NLN: variants seen among roughly 807,000 people sequenced by gnomAD.
NLN encodes the protein neurolysin, mitochondrial.
In NLN, 64 loss-of-function variants were observed where a neutral mutation model predicts 79.9. That is an observed-to-expected ratio of 0.80 (90% CI 0.65 to 0.99). NLN has a LOEUF of 0.99. NLN is among the 50% of genes least tolerant of loss of function. The pLI, the probability that NLN is intolerant of heterozygous loss-of-function variation, is 0.00. For synonymous variants in NLN, 267 were observed against 296.6 expected, an observed-to-expected ratio of 0.90 and a Z score of 1.02; for missense variants, 835 against 858.7, an observed-to-expected ratio of 0.97 and a Z score of 0.34.
chr5:65,787,995 C>T (rs1465535562), intron 7 of NLN, 123 bp from the exon 8 acceptor site: 18 of 924,812 alleles, frequency 1.9e-5, no homozygotes, highest in African/African-American at 8.3e-5. Flanking sequence ...TACCTCTTTC[C>T]GCCTTATTTA....
At chr5:65,727,798 G>A (rs1003342664) in intron 1 of NLN, among the ~76,000 whole-genome samples, 2 of 152,058 alleles carry the variant, frequency 1.3e-5, no homozygotes, top group African/African-American at 2.4e-5. Flanking sequence ...AGACAGTCTC[G>A]CTCTGTTGCC....
chr5:65,726,162 C>T (rs1758465539), intron 1 of NLN, among the ~76,000 whole-genome samples: 1 of 151,340 alleles, frequency 6.6e-6, no homozygotes, highest in Non-Finnish European at 1.5e-5. Context: ...TATTTCAGCT[C>T]ACAGTTCAAC....
At chr5:65,745,332 A>T (rs2150739761) in intron 1 of NLN, among the ~76,000 whole-genome samples, 1 of 152,316 alleles carries the variant, frequency 6.6e-6, no homozygotes, top group South Asian at 2.1e-4. Flanking sequence ...GAGAAATTTG[A>T]TGATTTCCTT....
chr5:65,724,628 A>G (rs190221180), intron 1 of NLN, among the ~76,000 whole-genome samples: 22 of 152,222 alleles, frequency 1.4e-4, no homozygotes, highest in Admixed American at 1.4e-3. Context: ...TTGCTGAGTC[A>G]TAGGATAGTA....
At chr5:65,815,711 A>G (rs1304939799) in intron 12 of NLN, among the ~76,000 whole-genome samples, 2 of 152,106 alleles carry the variant, frequency 1.3e-5, no homozygotes, top group Admixed American at 6.6e-5. Context: ...TGATTTTTAA[A>G]CAAACATTTT....
intron 7 of NLN, 79 bp from the exon 8 acceptor site, chr5:65,788,039 T>A: frequency 7.1e-7 from 1 of 1,404,860 alleles, no homozygotes; most frequent in Non-Finnish European, 9.8e-7. Context: ...GGAAGCACCA[T>A]GCTAAAACAC....
intron 1 of NLN, chr5:65,733,433 A>G: frequency 6.8e-7 from 1 of 1,472,230 alleles, no homozygotes; most frequent in Non-Finnish European, 9.4e-7. Flanking sequence ...TGTGTCACAC[A>G]GGCGGGCTGA....
At chr5:65,774,649 T>C (rs1322636755) in intron 3 of NLN, among the ~76,000 whole-genome samples, 6 of 151,894 alleles carry the variant, frequency 4.0e-5, no homozygotes, top group Non-Finnish European at 8.8e-5. Flanking sequence ...TAGTCAGATT[T>C]CTGTTGTGTC....
intron 6 of NLN, 91 bp downstream of exon 6, chr5:65,781,512 G>A (rs1254789363): frequency 1.6e-5 from 15 of 910,822 alleles, no homozygotes; most frequent in Non-Finnish European, 2.6e-5. Context: ...TCAGCTCAGA[G>A]ACTGATATTC....
At chr5:65,729,696 T>C (rs1421553197) in intron 1 of NLN, among the ~76,000 whole-genome samples, 1 of 152,238 alleles carries the variant, frequency 6.6e-6, no homozygotes, top group Non-Finnish European at 1.5e-5. Flanking sequence ...CTTTCTTTTT[T>C]GTTTGTCCTT....
At chr5:65,722,464 T>C (rs1407078199) in intron 1 of NLN, 50 bp downstream of exon 1, 1 of 1,518,096 alleles carries the variant, frequency 6.6e-7, no homozygotes, top group Admixed American at 1.9e-5. Context: ...GCGGGGTCTT[T>C]CGCCGTGTGG....
chr5:65,787,315 T>C (rs1349600437), intron 7 of NLN, among the ~76,000 whole-genome samples: 1 of 151,642 alleles, frequency 6.6e-6, no homozygotes, highest in Non-Finnish European at 1.5e-5. Context: ...CACGCACACA[T>C]GCACATGGAT....
chr5:65,807,484 A>T (rs1411698225), intron 9 of NLN, among the ~76,000 whole-genome samples: 1 of 150,912 alleles, frequency 6.6e-6, no homozygotes, highest in Admixed American at 6.6e-5. Flanking sequence ...TCTGTTGCCC[A>T]GGCTGGAATG....
chr5:65,785,743 G>T, intron 6 of NLN, 32 bp from the exon 7 acceptor site: 1 of 1,588,150 alleles, frequency 6.3e-7, no homozygotes, highest in South Asian at 1.1e-5. Flanking sequence ...TTATTGATTA[G>T]CCTTTATTTT....
intron 3 of NLN, among the ~76,000 whole-genome samples, chr5:65,776,178 G>C (rs191881147): frequency 6.6e-6 from 1 of 152,300 alleles, no homozygotes; most frequent in East Asian, 1.9e-4. Flanking sequence ...GCTTGAACCT[G>C]GGAGGCGGAG....
At chr5:65,724,833 T>C (rs1758426057) in intron 1 of NLN, among the ~76,000 whole-genome samples, 1 of 148,428 alleles carries the variant, frequency 6.7e-6, no homozygotes, top group Non-Finnish European at 1.5e-5. Flanking sequence ...ACAGAGTCTC[T>C]CTCTGTCGCC....
intron 3 of NLN, among the ~76,000 whole-genome samples, chr5:65,774,890 G>T (rs1579940695): frequency 6.6e-6 from 1 of 151,720 alleles, no homozygotes; most frequent in African/African-American, 2.4e-5. Context: ...ACACCCGGCT[G>T]ATTTTTGTAT....
At chr5:65,725,627 A>G (rs928927180) in intron 1 of NLN, among the ~76,000 whole-genome samples, 2 of 152,266 alleles carry the variant, frequency 1.3e-5, no homozygotes, top group South Asian at 2.1e-4. Context: ...TCAAGCTCAC[A>G]GTGGCAGATA....
rs1290620820 is a variant in NLN at position 65,792,646 on chromosome 5, T to C, written c.1518T>C (p.Ile506=). Residue 506 remains isoleucine, a synonymous_variant, in exon 9 of 13, where the codon ATT becomes ATC. Coordinates refer to ENST00000380985, the MANE Select transcript of NLN (RefSeq NM_020726.5). ...FHEFGHVMHQ[I]CAQTDFARFS... ...AGTTTGGTCACGTGATGCATCAGAT[T>C]TGTGCACAGGTGAGTTTTTTTTTTC... 6.2e-7 allele frequency: 1 copy of C among 1,613,334 alleles called. No individual in the cohort carries two copies. The highest frequency in any genetic ancestry group is 8.5e-7 in the Non-Finnish European group (1 of 1,179,382).
Sources: allele counts gnomAD v4.1 joint callset (sites outside exome capture counted in the v4.1 genomes callset), GRCh38; gene constraint gnomAD v4.1.1; transcripts MANE v1.5; gene names NCBI Gene and HGNC (gene_info 2026-07-23, HGNC 2026-07-21).